Variants in CSMD3 observed in about 807,000 individuals in gnomAD.
CSMD3 encodes the protein CUB and Sushi multiple domains 3, also known as CUB and sushi domain-containing protein 3.
Under a neutral mutation model 435.2 loss-of-function variants are expected in CSMD3, and 177 were observed. The ratio of observed to expected loss-of-function variants is 0.41; its 90% confidence interval spans 0.36 to 0.46. The LOEUF (loss-of-function observed/expected upper bound fraction) is 0.46, where lower values mean the gene tolerates loss of function less well. Ranked by LOEUF, CSMD3 falls within the 20% of genes least tolerant of loss-of-function variation. CSMD3 has a pLI of 0.34. For synonymous variants in CSMD3, 1,656 were observed against 1,520.5 expected, an observed-to-expected ratio of 1.09 and a Z score of -2.07; for missense variants, 4,265 against 4,504.6, an observed-to-expected ratio of 0.95 and a Z score of 1.52.
intron 13 of CSMD3, among the ~76,000 whole-genome samples, chr8:112,761,517 T>C (rs1283842878): frequency 6.6e-6 from 1 of 152,100 alleles, no homozygotes; most frequent in Non-Finnish European, 1.5e-5. Flanking sequence ...TTACCCCTCT[T>C]CTATTTTCCT....
intron 32 of CSMD3, among the ~76,000 whole-genome samples, chr8:112,461,108 C>G (rs1393488292): frequency 6.6e-6 from 1 of 152,058 alleles, no homozygotes; most frequent in Non-Finnish European, 1.5e-5. Flanking sequence ...GAAAAAAACA[C>G]CAAACATGTG....
At chr8:112,788,572 C>G (rs2078612343) in intron 13 of CSMD3, among the ~76,000 whole-genome samples, 1 of 152,102 alleles carries the variant, frequency 6.6e-6, no homozygotes, top group Non-Finnish European at 1.5e-5. Context: ...GTATTAATCG[C>G]ACTTAAAATT....
At position 112,916,278 on chromosome 8, in the gene CSMD3, A is replaced by G. The variant is rs187775099; in HGVS notation, c.1633+5349T>C. On this transcript the variant is annotated intron_variant, in intron 10 of 70. Coordinates refer to ENST00000297405, the MANE Select transcript of CSMD3 (RefSeq NM_198123.2). ...GGCACCCTTGAAATGCAAAATTTCT[A>G]ATTGTTCAGGGAGTTTTGAATTTAA... Among the ~76,000 whole-genome samples the G allele has an allele frequency of 3.0e-3, 454 of 151,940 alleles. 2 individuals are homozygous for G. Among genetic ancestry groups the G allele is most frequent in the African/African-American group, 0.01 (428 of 41,534 alleles).
chr8:113,137,399 A>G lies in CSMD3; in HGVS notation c.709+36323T>C, dbSNP rs942123477. ...TATAAAAAGAGTTTATTAATTCAGA[A>G]TCTACATGTATTTTAATTTGTCTTG... On this transcript the variant is annotated intron_variant, in intron 4 of 70. Coordinates refer to ENST00000297405, the MANE Select transcript of CSMD3 (RefSeq NM_198123.2). Among the ~76,000 whole-genome samples, 5 of 151,714 alleles carry G rather than the reference A, an allele frequency of 3.3e-5. No individual in the cohort carries two copies. In the South Asian group the frequency reaches 6.2e-4, roughly 19 times the overall value.
At chr8:112,286,055 G>T (rs1314401770) in intron 58 of CSMD3, among the ~76,000 whole-genome samples, 1 of 152,008 alleles carries the variant, frequency 6.6e-6, no homozygotes, top group Non-Finnish European at 1.5e-5. Flanking sequence ...CTCTGAGTCA[G>T]AACAATTAAA....
At chr8:113,279,625 G>A (rs941955586) in intron 2 of CSMD3, among the ~76,000 whole-genome samples, 1 of 151,654 alleles carries the variant, frequency 6.6e-6, no homozygotes, top group African/African-American at 2.4e-5. Flanking sequence ...TGTGTAATGG[G>A]AGATTTGTTT....
chr8:112,375,873 TATACCTTTC>T (rs1171537491), intron 38 of CSMD3, among the ~76,000 whole-genome samples: 3 of 152,178 alleles, frequency 2.0e-5, no homozygotes, highest in Non-Finnish European at 4.4e-5. Context: ...TACGACATCC[TATACCTTTC>T]AGGAGTAGTC....
At chr8:112,608,246 G>A (rs574081845) in intron 22 of CSMD3, among the ~76,000 whole-genome samples, 4 of 151,926 alleles carry the variant, frequency 2.6e-5, no homozygotes, top group African/African-American at 4.8e-5. Context: ...GAAATTTAAC[G>A]AAGGAGGTAA....
intron 61 of CSMD3, among the ~76,000 whole-genome samples, chr8:112,262,358 T>A (rs1816499667): frequency 6.6e-6 from 1 of 152,168 alleles, no homozygotes; most frequent in Admixed American, 6.5e-5. Flanking sequence ...TATAGCAATA[T>A]AGTTTTTATA....
Position 112,341,484 on chromosome 8 carries a change from T to C in CSMD3, c.6645A>G (p.Val2215=). The C allele has an allele frequency of 6.3e-7, 1 of 1,597,936 alleles. No individual in the cohort carries two copies. The highest frequency in any genetic ancestry group is 8.6e-7 in the Non-Finnish European group (1 of 1,165,448). Residue 2215 remains valine, a synonymous_variant, in exon 42 of 71, where the codon GTA becomes GTG. Coordinates refer to ENST00000297405, the MANE Select transcript of CSMD3 (RefSeq NM_198123.2). ...YSQNKQGFHI[V]YQAYQLQSCP... The stretch of plus-strand genomic sequence containing the variant: ...TTTTATTATTTCTCTTACCTTGGTA[T>C]ACAATATGAAACCCTTGTTTGTTTT...
chr8:113,335,784 G>T (rs1482530558), intron 1 of CSMD3, among the ~76,000 whole-genome samples: 2 of 151,716 alleles, frequency 1.3e-5, no homozygotes, highest in Non-Finnish European at 2.9e-5. Flanking sequence ...GGTCAACCGT[G>T]TTGTTGAGTA....
intron 3 of CSMD3, among the ~76,000 whole-genome samples, chr8:113,237,488 A>G (rs1438090301): frequency 6.6e-6 from 1 of 152,208 alleles, no homozygotes; most frequent in Non-Finnish European, 1.5e-5. Context: ...TGTGACAGAA[A>G]CAAAGCCATT....
intron 32 of CSMD3, among the ~76,000 whole-genome samples, chr8:112,445,724 T>G (rs1815528627): frequency 6.6e-6 from 1 of 152,094 alleles, no homozygotes; most frequent in South Asian, 2.1e-4. Context: ...AGAAATACAC[T>G]GAGTCATTTT....
intron 7 of CSMD3, among the ~76,000 whole-genome samples, chr8:112,965,514 G>A (rs1395554452): frequency 6.6e-6 from 1 of 151,762 alleles, no homozygotes; most frequent in Non-Finnish European, 1.5e-5. Flanking sequence ...CTACTCAAAG[G>A]AAATAAGAAC....
chr8:112,985,811 C>G (rs1346999955), intron 6 of CSMD3, among the ~76,000 whole-genome samples: 1 of 152,104 alleles, frequency 6.6e-6, no homozygotes, highest in Non-Finnish European at 1.5e-5. Context: ...TCTACCATCA[C>G]CCCCAGATGG....
chr8:112,465,801 C>T (rs913049807), intron 32 of CSMD3, among the ~76,000 whole-genome samples: 1 of 151,910 alleles, frequency 6.6e-6, no homozygotes, highest in Admixed American at 6.6e-5. Context: ...ATGGTGAAAC[C>T]TCATCTCTAC....
chr8:112,258,566 A>C (rs2130319359), intron 61 of CSMD3, among the ~76,000 whole-genome samples: 1 of 152,344 alleles, frequency 6.6e-6, no homozygotes, highest in Non-Finnish European at 1.5e-5. Context: ...GCAACTCAAA[A>C]CCACAATGAG....
chr8:112,464,505 G>A (rs1004124550), intron 32 of CSMD3, among the ~76,000 whole-genome samples: 3 of 151,998 alleles, frequency 2.0e-5, no homozygotes, highest in African/African-American at 7.2e-5. Context: ...ATTAATATAA[G>A]TAGGGTAAGG....
At chr8:112,320,604 A>C (rs1563785947) in intron 45 of CSMD3, among the ~76,000 whole-genome samples, 1 of 151,414 alleles carries the variant, frequency 6.6e-6, no homozygotes. Context: ...CTCGTCATTT[A>C]CATTAGGTAT....
Sources: allele counts gnomAD v4.1 joint callset (sites outside exome capture counted in the v4.1 genomes callset), GRCh38; gene constraint gnomAD v4.1.1; transcripts MANE v1.5; gene names NCBI Gene and HGNC (gene_info 2026-07-23, HGNC 2026-07-21).